Variants in SLC2A7 observed in about 807,000 individuals in gnomAD.
SLC2A7 encodes solute carrier family 2, facilitated glucose transporter member 7.
Under a neutral mutation model 50.5 loss-of-function variants are expected in SLC2A7, and 50 were observed. The ratio of observed to expected loss-of-function variants is 0.99; its 90% CI spans 0.79 to 1.25. SLC2A7 has a LOEUF of 1.25. Ranked by LOEUF, SLC2A7 falls within the 50% of genes most tolerant of loss-of-function variation. The pLI, the probability that SLC2A7 is intolerant of heterozygous loss-of-function variation, is 0.00. For missense variants in SLC2A7, 683 were observed against 679.1 expected (o/e 1.01, Z -0.06); for synonymous variants, 308 against 300.4 (o/e 1.03, Z -0.26).
intron 9 of SLC2A7, among the ~76,000 whole-genome samples, chr1:9,009,206 T>C (rs1450851010): frequency 6.6e-6 from 1 of 152,232 alleles, no homozygotes; most frequent in African/African-American, 2.4e-5. Flanking sequence ...GTTGCTGATA[T>C]ATTTTCCATT....
chr1:9,026,237 C>T, intron 1 of SLC2A7, 58 bp downstream of exon 1: 1 of 1,565,146 alleles, frequency 6.4e-7, no homozygotes, highest in East Asian at 2.3e-5. Context: ...CCTCCCTCCA[C>T]AGGTCTGCAC....
intron 2 of SLC2A7, 29 bp downstream of exon 2, chr1:9,024,947 G>GGCCCACCTTGT: frequency 0.12 from 198,258 of 1,597,564 alleles, 16,135 homozygotes; most frequent in East Asian, 0.42. Flanking sequence ...GCTGCTGCCC[G>GGCCCACCTTGT]GCCCACCTTG....
rs1463676536 is a variant in SLC2A7 at position 9,026,324 on chromosome 1, T to C, written c.22A>G (p.Thr8Ala). ...TCCCTGGATGGAATGGGTGGAGGGG[T>C]TCCCGCCTCTTTGTTCTCCATCCTT... The part of the protein sequence containing the change: MENKEAG[T>A]PPPIPSREGR... The change falls in exon 1 of 12, where the codon ACC (threonine) becomes GCC (alanine). Residue 8 changes from threonine to alanine, a missense_variant. Transcript: ENST00000400906. 6.2e-7 allele frequency: 1 copy of C among 1,608,506 alleles called. No homozygotes were observed.
intron 3 of SLC2A7, among the ~76,000 whole-genome samples, chr1:9,022,660 C>A (rs1477533194): frequency 7.8e-6 from 1 of 127,824 alleles, no homozygotes; most frequent in East Asian, 2.5e-4. Context: ...CCGTCAAGAA[C>A]CTTGATCTCA....
intron 10 of SLC2A7, among the ~76,000 whole-genome samples, chr1:9,006,744 G>A (rs1280293351): frequency 6.6e-6 from 1 of 152,214 alleles, no homozygotes; most frequent in Non-Finnish European, 1.5e-5. Context: ...AGTCAGGGGT[G>A]TCTTTTCCCA....
At chr1:9,007,107 G>A (rs1332758757) in intron 10 of SLC2A7, among the ~76,000 whole-genome samples, 2 of 152,210 alleles carry the variant, frequency 1.3e-5, no homozygotes, top group Non-Finnish European at 2.9e-5. Context: ...TCAGTGGGGC[G>A]CTGGCCTGGC....
At position 9,011,981 on chromosome 1, in the gene SLC2A7, G is replaced by A. The variant is rs12065192; in HGVS notation, c.1014+1544C>T. Among the ~76,000 whole-genome samples, 1,181 of 151,686 alleles carry A rather than the reference G, an allele frequency of 7.8e-3. 11 individuals carry two copies. The highest frequency in any genetic ancestry group is 0.027 in the African/African-American group (1,103 of 41,346). ...GCCAGGCTGGTCTCGAACTCCTGAC[G>A]TCAGGTGATCCGCCCGCCTCAACCT... On this transcript the variant is annotated intron_variant, in intron 8 of 11. Coordinates refer to ENST00000400906, the MANE Select transcript of SLC2A7 (RefSeq NM_207420.3).
intron 5 of SLC2A7, 102 bp downstream of exon 5, chr1:9,018,121 T>A (rs1407184856): frequency 6.6e-7 from 1 of 1,505,666 alleles, no homozygotes; most frequent in Non-Finnish European, 9.0e-7. Context: ...CACCTGACCC[T>A]AAAATCATCT....
At chr1:9,001,264 C>T (rs1395464318), downstream of SLC2A7, among the ~76,000 whole-genome samples, 2 of 151,930 alleles carry the variant, frequency 1.3e-5, no homozygotes, top group East Asian at 1.9e-4. Context: ...CATGAAAGCA[C>T]GCCAGGGAGA....
intron 6 of SLC2A7, 117 bp from the exon 7 acceptor site, chr1:9,014,985 G>A (rs566567307): frequency 2.7e-6 from 4 of 1,495,794 alleles, no homozygotes; most frequent in East Asian, 2.4e-5. Flanking sequence ...TGCCCCAGTT[G>A]CCACCCCCCC....
chr1:9,004,630 T>C (rs1640625247), intron 11 of SLC2A7, 122 bp downstream of exon 11: 2 of 1,270,994 alleles, frequency 1.6e-6, no homozygotes, highest in South Asian at 2.7e-5. Flanking sequence ...CTGTGGACCC[T>C]TGGATGTGTC....
intron 3 of SLC2A7, among the ~76,000 whole-genome samples, chr1:9,020,140 C>T (rs1640890905): frequency 6.6e-6 from 1 of 152,044 alleles, no homozygotes; most frequent in African/African-American, 2.4e-5. Flanking sequence ...AATGGGCAGA[C>T]GTCCCAGGAA....
intron 7 of SLC2A7, 24 bp from the exon 8 acceptor site, chr1:9,013,659 A>G (rs978921170): frequency 6.2e-7 from 1 of 1,600,980 alleles, no homozygotes; most frequent in Admixed American, 1.7e-5. Flanking sequence ...CAGGGCTGTC[A>G]GGACAGGCCG....
chr1:9,014,352 T>A (rs1279780421), intron 7 of SLC2A7, among the ~76,000 whole-genome samples: 1 of 152,080 alleles, frequency 6.6e-6, no homozygotes, highest in Admixed American at 6.5e-5. Flanking sequence ...AGGCTGGGCC[T>A]ACCAACCCAG....
intron 4 of SLC2A7, 88 bp from the exon 5 acceptor site, chr1:9,018,463 C>G (rs1007482768): frequency 1.4e-5 from 21 of 1,532,880 alleles, no homozygotes; most frequent in Non-Finnish European, 1.7e-5. Context: ...AATCCCGGGG[C>G]TTCTCCATGC....
chr1:9,002,119 G>A (rs576867036), downstream of SLC2A7, among the ~76,000 whole-genome samples: 1 of 152,240 alleles, frequency 6.6e-6, no homozygotes, highest in South Asian at 2.1e-4. Flanking sequence ...ACTGCGGAAG[G>A]CCACAGGGAC....
intron 1 of SLC2A7, among the ~76,000 whole-genome samples, chr1:9,025,566 C>A (rs556233172): frequency 1.3e-5 from 2 of 152,070 alleles, no homozygotes; most frequent in African/African-American, 4.8e-5. Flanking sequence ...TCTGAGCAGG[C>A]GCCCTTTGAG....
At chr1:9,024,628 A>T (rs948367398) in intron 2 of SLC2A7, among the ~76,000 whole-genome samples, 1 of 152,132 alleles carries the variant, frequency 6.6e-6, no homozygotes, top group African/African-American at 2.4e-5. Context: ...TAAATGCCAC[A>T]GAGTTCAATC....
At chr1:9,020,561 C>T (rs571952998) in intron 3 of SLC2A7, among the ~76,000 whole-genome samples, 1 of 130,496 alleles carries the variant, frequency 7.7e-6, no homozygotes, top group Non-Finnish European at 1.6e-5. Flanking sequence ...CCCCCCCCCA[C>T]CCCCCCGCCT....
Sources: gnomAD v4.1 joint callset for allele counts (sites outside exome capture counted in the v4.1 genomes callset) on GRCh38, gnomAD v4.1.1 for gene constraint, MANE v1.5 for transcripts, NCBI Gene and HGNC (gene_info 2026-07-23, HGNC 2026-07-21) for gene names.